EDAR: variants seen among roughly 807,000 people sequenced by gnomAD.
EDAR encodes the protein ectodysplasin A receptor.
Under a neutral mutation model 51.3 loss-of-function variants are expected in EDAR, and 38 were observed. That is an observed-to-expected ratio of 0.74 (90% confidence interval 0.57 to 0.97). The LOEUF (loss-of-function observed/expected upper bound fraction) is 0.97. Ranked by LOEUF, EDAR falls within the 50% of genes least tolerant of loss-of-function variation. The probability of loss-of-function intolerance (pLI) is 0.00; values close to 1 mark genes in which losing one functional copy is unlikely to be tolerated. For synonymous variants in EDAR, 227 were observed against 242.1 expected, an observed-to-expected ratio of 0.94 and a Z score of 0.58; for missense variants, 528 against 595.0, an observed-to-expected ratio of 0.89 and a Z score of 1.17.
Position 108,989,173 on chromosome 2 carries a change from C to T in EDAR, c.-232G>A, listed in dbSNP as rs944388770. 6.5e-6 allele frequency: 1 copy of T among 152,866 alleles called. No homozygotes were observed. The highest frequency in any genetic ancestry group is 2.4e-5 in the African/African-American group (1 of 41,464). 9.5% of individuals were successfully genotyped at this position (152,866 alleles called of 1,614,324 possible). On this transcript the variant is annotated 5_prime_UTR_variant, in exon 1 of 12. Coordinates refer to ENST00000258443, the MANE Select transcript of EDAR (RefSeq NM_022336.4). ...CCCCGCTTCCTTTCCGTTTAAAGGG[C>T]TTCCCGGGAACTCTTCCTTGACCGC...
intron 9 of EDAR, 86 bp from the exon 10 acceptor site, chr2:108,908,105 C>A: frequency 6.9e-7 from 1 of 1,443,012 alleles, no homozygotes; most frequent in Non-Finnish European, 9.3e-7. Flanking sequence ...TTGTCCATTG[C>A]CCAGCTGTGG....
chr2:108,980,636 T>C (rs1377433462), intron 1 of EDAR, among the ~76,000 whole-genome samples: 1 of 151,950 alleles, frequency 6.6e-6, no homozygotes, highest in East Asian at 1.9e-4. Context: ...TTTTATACAG[T>C]GTGGGGCCAG....
At chr2:108,978,378 AG>A (rs1698364241) in intron 1 of EDAR, among the ~76,000 whole-genome samples, 1 of 152,172 alleles carries the variant, frequency 6.6e-6, no homozygotes, top group African/African-American at 2.4e-5. Context: ...AAGTACAAAA[AG>A]CTCAGTAAAA....
intron 1 of EDAR, among the ~76,000 whole-genome samples, chr2:108,972,058 T>C (rs1278138788): frequency 6.6e-6 from 1 of 152,208 alleles, no homozygotes; most frequent in African/African-American, 2.4e-5. Flanking sequence ...CCCGCAGATG[T>C]TGCAGCCCAG....
intron 11 of EDAR, among the ~76,000 whole-genome samples, chr2:108,903,238 A>C (rs371796411): frequency 6.6e-6 from 1 of 152,318 alleles, no homozygotes; most frequent in African/African-American, 2.4e-5. Context: ...AAAAAATTAA[A>C]GTTGTGCTAA....
chr2:108,930,678 G>A (rs537097662), intron 2 of EDAR, among the ~76,000 whole-genome samples: 4 of 152,268 alleles, frequency 2.6e-5, no homozygotes, highest in African/African-American at 4.8e-5. Flanking sequence ...CCAAGCATGA[G>A]CTCATCACAT....
chr2:108,925,471 C>G (rs943931196), intron 4 of EDAR, among the ~76,000 whole-genome samples: 10 of 152,206 alleles, frequency 6.6e-5, no homozygotes, highest in Admixed American at 6.5e-4. Context: ...AGGGTGGTGG[C>G]TCTGTCCCAC....
chr2:108,913,747 A>G (rs1018977517), intron 5 of EDAR, among the ~76,000 whole-genome samples: 2 of 152,024 alleles, frequency 1.3e-5, no homozygotes, highest in Non-Finnish European at 2.9e-5. Flanking sequence ...TCAGGAGATC[A>G]AGATCATCCT....
At chr2:108,948,017 C>A (rs937917644) in intron 1 of EDAR, among the ~76,000 whole-genome samples, 6 of 152,134 alleles carry the variant, frequency 3.9e-5, no homozygotes, top group South Asian at 2.1e-4. Flanking sequence ...TCTGTGAATG[C>A]ACATGACTGA....
Position 108,919,749 on chromosome 2 carries a change from G to A in EDAR, c.442+3619C>T, listed in dbSNP as rs978668146. Among the ~76,000 whole-genome samples, 71 of 152,258 alleles carry A rather than the reference G, an allele frequency of 4.7e-4. No homozygotes were observed. In the Middle Eastern group the frequency reaches 0.017, roughly 36 times the overall value. On this transcript the variant is annotated intron_variant, in intron 5 of 11. Transcript: ENST00000258443. ...TTTGAACTGTAGCCGGGCCAGAGCCGGCAGTGTAGGTCAGCGAGGCTCCGT... is the reference window on the plus strand; with the variant it reads ...TTTGAACTGTAGCCGGGCCAGAGCCAGCAGTGTAGGTCAGCGAGGCTCCGT...
In EDAR at chr2:108,923,458, G is replaced by A. The variant is rs540520804; in HGVS notation, c.357-5C>T. The A allele has an allele frequency of 1.1e-4, 180 of 1,613,794 alleles. 1 individual carries two copies. The South Asian group carries it at 1.6e-3, about 14-fold the overall frequency. On this transcript the variant is annotated splice_polypyrimidine_tract_variant and splice_region_variant and intron_variant, in intron 4 of 11. Transcript: ENST00000258443. ...CTGTTCTCCAGCATGTAGTAGCTAC[G>A]GGGGAGAGACAAGACAAAACAGAGA... is the stretch of plus-strand genomic sequence containing the variant.
intron 1 of EDAR, among the ~76,000 whole-genome samples, chr2:108,958,110 A>T (rs1697959953): frequency 6.6e-6 from 1 of 152,138 alleles, no homozygotes; most frequent in Non-Finnish European, 1.5e-5. Flanking sequence ...ACGAACGCAC[A>T]CACCCCTGCA....
chr2:108,907,713 A>G, intron 10 of EDAR, 147 bp downstream of exon 10: 2 of 902,968 alleles, frequency 2.2e-6, no homozygotes, highest in Non-Finnish European at 3.6e-6. Context: ...CTTGCTGTGA[A>G]CTTGTCACTG....
At chr2:108,908,870 T>C (rs2105396263) in intron 9 of EDAR, among the ~76,000 whole-genome samples, 1 of 152,108 alleles carries the variant, frequency 6.6e-6, no homozygotes, top group African/African-American at 2.4e-5. Context: ...AGAGACAGGG[T>C]AATACAAAGA....
At chr2:108,949,193 A>C (rs770580100) in intron 1 of EDAR, among the ~76,000 whole-genome samples, 2 of 152,084 alleles carry the variant, frequency 1.3e-5, no homozygotes, top group Non-Finnish European at 2.9e-5. Context: ...TGTTGCCGAC[A>C]CTGGTGGTGT....
At chr2:108,946,100 A>G (rs1262003246) in intron 1 of EDAR, among the ~76,000 whole-genome samples, 1 of 152,182 alleles carries the variant, frequency 6.6e-6, no homozygotes, top group East Asian at 1.9e-4. Context: ...TGGTGACTCC[A>G]AGGACACACC....
chr2:108,974,250 A>G (rs1395481703), intron 1 of EDAR, among the ~76,000 whole-genome samples: 6 of 145,506 alleles, frequency 4.1e-5, no homozygotes, highest in Non-Finnish European at 6.0e-5. Context: ...GAATGGCATG[A>G]ACCCGGGAGG....
At chr2:108,980,504 ATGTG>A (rs760315051) in intron 1 of EDAR, among the ~76,000 whole-genome samples, 16 of 144,600 alleles carry the variant, frequency 1.1e-4, no homozygotes, top group Non-Finnish European at 2.0e-4. Flanking sequence ...ATGTGATATT[ATGTG>A]TGTATGTATA....
At chr2:108,981,494 C>A (rs1698419717) in intron 1 of EDAR, among the ~76,000 whole-genome samples, 1 of 152,228 alleles carries the variant, frequency 6.6e-6, no homozygotes, top group Non-Finnish European at 1.5e-5. Flanking sequence ...CCATTTTCCG[C>A]TCTAGCTCCC....
Sources: gnomAD v4.1 joint callset for allele counts (sites outside exome capture counted in the v4.1 genomes callset) on GRCh38, gnomAD v4.1.1 for gene constraint, MANE v1.5 for transcripts, NCBI Gene and HGNC (gene_info 2026-07-23, HGNC 2026-07-21) for gene names.